The following RPGR variants were observed in gnomAD, a reference collection of about 807,000 sequenced individuals.
The protein encoded by RPGR is X-linked retinitis pigmentosa GTPase regulator.
Under a neutral mutation model 56.3 loss-of-function variants are expected in RPGR, and 10 were observed. That is an observed-to-expected ratio of 0.18 (90% CI 0.11 to 0.30). RPGR has a LOEUF of 0.30. Among genes scored for constraint, RPGR ranks in the 10% least tolerant of loss-of-function variants. The pLI is 1.00. For missense variants in RPGR, 538 were observed against 590.9 expected, an observed-to-expected ratio of 0.91 and a Z score of 0.93; for synonymous variants, 197 against 212.9, an observed-to-expected ratio of 0.93 and a Z score of 0.65.
At chrX:38,283,109 G>A (rs1317437148) in intron 15 of RPGR, among the ~76,000 whole-genome samples, 1 of 110,293 alleles carries the variant, frequency 9.1e-6, no homozygotes, top group Non-Finnish European at 1.9e-5. Context: ...CACTTCTGTC[G>A]ATGAAAGCCT....
rs748199207 is a variant in RPGR at position 38,318,978 on chromosome X, T to C, written c.320A>G (p.Asn107Ser). The C allele has an allele frequency of 3.7e-5, 45 of 1,210,441 alleles. No individual in the cohort carries two copies. In the South Asian group the frequency reaches 7.7e-4, roughly 21 times the overall value. The change falls in exon 5 of 19, where the codon AAT becomes AGT. Residue 107 changes from asparagine (N) to serine (S), a missense_variant. Physicochemically the swap from Asn to Ser is conservative, Grantham distance 46. Coordinates refer to ENST00000642395, the MANE Select transcript of RPGR (RefSeq NM_000328.3). Reference sequence around the variant, plus strand: ...ATTATTTCCACCAGTTGCATATACATTGCCTCCTTCTGCACATGGAAAAGA... The same window carrying C: ...ATTATTTCCACCAGTTGCATATACACTGCCTCCTTCTGCACATGGAAAAGA...
intron 15 of RPGR, among the ~76,000 whole-genome samples, chrX:38,279,964 G>GT (rs2067001051): frequency 1.8e-5 from 2 of 110,182 alleles, no homozygotes; most frequent in African/African-American, 6.6e-5. Flanking sequence ...TAACTACACT[G>GT]AAAATCATGG....
chrX:38,313,223 T>C (rs764862234), intron 6 of RPGR, among the ~76,000 whole-genome samples: 3 of 111,451 alleles, frequency 2.7e-5, no homozygotes, highest in Non-Finnish European at 5.6e-5. Flanking sequence ...CTGACGCCCC[T>C]AACAAGAAAT....
At position 38,297,294 on chromosome X, in the gene RPGR, T is replaced by C; in HGVS notation, c.1404A>G (p.Pro468=). The change falls in exon 11 of 19, where the codon CCA becomes CCG. Residue 468 remains proline (P), a synonymous_variant. Coordinates refer to ENST00000642395, the MANE Select transcript of RPGR (RefSeq NM_000328.3). ...AGTAGCAAATGTTACCTGGTTCCTC[T>C]GGCTGCATGAGGTCCTGTTCAGATA... is the stretch of plus-strand genomic sequence containing the variant. 1.7e-6 allele frequency: 2 copies of C among 1,210,744 alleles called. No homozygotes were observed. Among genetic ancestry groups the C allele is most frequent in the East Asian group, 5.9e-5 (2 of 33,764 alleles).
At chrX:38,319,319 A>T (rs1173352606) in intron 4 of RPGR, among the ~76,000 whole-genome samples, 1 of 112,812 alleles carries the variant, frequency 8.9e-6, no homozygotes, top group Non-Finnish European at 1.9e-5. Flanking sequence ...TTAAAATGCA[A>T]ATCTATTTTA....
intron 10 of RPGR, among the ~76,000 whole-genome samples, 185 bp downstream of exon 10, chrX:38,298,771 G>A (rs771269354): frequency 1.8e-5 from 2 of 111,726 alleles, no homozygotes; most frequent in East Asian, 5.6e-4. Context: ...TTTAAAAAAA[G>A]CATTAAGCTT....
chrX:38,305,958 T>G (rs1264905765), intron 7 of RPGR, among the ~76,000 whole-genome samples: 3 of 111,215 alleles, frequency 2.7e-5, no homozygotes, highest in African/African-American at 9.8e-5. Flanking sequence ...TATTGATATT[T>G]TGAAGTGATT....
At chrX:38,282,480 C>T (rs965368076) in intron 15 of RPGR, among the ~76,000 whole-genome samples, 6 of 111,619 alleles carry the variant, frequency 5.4e-5, no homozygotes, top group African/African-American at 1.6e-4. Flanking sequence ...TATGAGCTGG[C>T]GATACTCAGC....
intron 3 of RPGR, among the ~76,000 whole-genome samples, chrX:38,322,316 T>C (rs770878895): frequency 3.6e-5 from 4 of 111,998 alleles, no homozygotes; most frequent in African/African-American, 6.5e-5. Context: ...ATATATCTAA[T>C]ATTTTCTGGA....
At chrX:38,314,605 G>C (rs1265108491) in intron 6 of RPGR, among the ~76,000 whole-genome samples, 2 of 111,557 alleles carry the variant, frequency 1.8e-5, no homozygotes, top group Admixed American at 1.9e-4. Context: ...TAACATATCA[G>C]ATGAAAAGAC....
At chrX:38,293,230 T>C (rs144506908) in intron 11 of RPGR, among the ~76,000 whole-genome samples, 2,215 of 111,237 alleles carry the variant, frequency 0.02, 38 homozygotes, top group Middle Eastern at 0.051. Flanking sequence ...TCCTGGGCCA[T>C]ATGGTCTCTG....
chrX:38,325,797 T>G (rs1273597043), intron 1 of RPGR: 1 of 111,598 alleles, frequency 9.0e-6, no homozygotes, highest in African/African-American at 3.3e-5. Context: ...ATTCACAAAC[T>G]GTTGTGGCAC....
At chrX:38,274,544 G>A (rs1398029043) in intron 17 of RPGR, among the ~76,000 whole-genome samples, 2 of 112,723 alleles carry the variant, frequency 1.8e-5, no homozygotes, top group South Asian at 3.6e-4. Flanking sequence ...GCCGGGTGTG[G>A]TGGCTCATGC....
intron 1 of RPGR, among the ~76,000 whole-genome samples, chrX:38,323,950 G>A (rs753130633): frequency 2.1e-4 from 23 of 112,075 alleles, no homozygotes; most frequent in African/African-American, 5.5e-4. Context: ...ACAGTATTTC[G>A]TTTCCTCATT....
chrX:38,298,861 A>C, intron 10 of RPGR, 95 bp downstream of exon 10: 6 of 933,333 alleles, frequency 6.4e-6, no homozygotes, highest in Non-Finnish European at 9.2e-6. Flanking sequence ...TTATCTGAGA[A>C]GACCCTTTGA....
At chrX:38,291,959 C>T (rs1426287561) in intron 11 of RPGR, among the ~76,000 whole-genome samples, 6 of 111,813 alleles carry the variant, frequency 5.4e-5, no homozygotes, top group Admixed American at 3.8e-4. Context: ...CACTTGTGCT[C>T]GCTCTGGCTC....
At position 38,310,778 on chromosome X, in the gene RPGR, T is replaced by C. The variant is rs757030021; in HGVS notation, c.620-5A>G. On this transcript the variant is annotated splice_polypyrimidine_tract_variant and splice_region_variant and intron_variant, in intron 6 of 18. Transcript: ENST00000642395. Reference sequence around the variant, plus strand: ...ACACATATAGCTCACCATCTGCTATTGAAGGAAAAGTATAGTGATTAGTGA... The same window carrying C: ...ACACATATAGCTCACCATCTGCTATCGAAGGAAAAGTATAGTGATTAGTGA... 42 of 1,208,924 alleles carry C rather than the reference T, an allele frequency of 3.5e-5. No homozygotes were observed. The highest frequency in any genetic ancestry group is 2.4e-4 in the Middle Eastern group (1 of 4,099).
intron 15 of RPGR, among the ~76,000 whole-genome samples, chrX:38,277,472 CTTTT>C (rs765674122): frequency 1.8e-4 from 18 of 101,584 alleles, no homozygotes; most frequent in African/African-American, 6.0e-4. Flanking sequence ...ACTGAGATTT[CTTTT>C]TTTTTTTTAA....
chrX:38,272,220 G>A (rs1244183927), intron 18 of RPGR: 1 of 111,293 alleles, frequency 9.0e-6, no homozygotes, highest in Non-Finnish European at 1.9e-5. Flanking sequence ...TATAATGGAT[G>A]AGAATTTTAA....
Sources: allele counts gnomAD v4.1 joint callset (sites outside exome capture counted in the v4.1 genomes callset), GRCh38; gene constraint gnomAD v4.1.1; transcripts MANE v1.5; gene names NCBI Gene and HGNC (gene_info 2026-07-23, HGNC 2026-07-21).